The following UGT2A3 variants were observed in gnomAD, a reference collection of about 807,000 sequenced individuals.
UGT2A3 encodes the protein UDP glucuronosyltransferase family 2 member A3, also known as UDP-glucuronosyltransferase 2A3.
In UGT2A3, 55 loss-of-function variants were observed where a neutral mutation model predicts 44.1. The ratio of observed to expected loss-of-function variants is 1.25; its 90% CI spans 1.00 to 1.56. UGT2A3 has a LOEUF of 1.56. Among genes scored for constraint, UGT2A3 ranks in the 40% most tolerant of loss-of-function variants. UGT2A3 has a pLI of 0.00. For synonymous variants in UGT2A3, 243 were observed against 215.1 expected (o/e 1.13, Z -1.13); for missense variants, 733 against 621.6 (o/e 1.18, Z -1.91).
Position 68,945,367 on chromosome 4 carries a change from T to C in UGT2A3, c.803A>G (p.Tyr268Cys), listed in dbSNP as rs1309353674. ...TCCAACAAACTCAAAGTTAGGTTGGTATGGTTGAGGAAATTCAAAATCCCA... is the reference window on the plus strand; with the variant it reads ...TCCAACAAACTCAAAGTTAGGTTGGCATGGTTGAGGAAATTCAAAATCCCA... Reference protein sequence around the residue: ...TYWDFEFPQPYQPNFEFVGGL... With the variant: ...TYWDFEFPQPCQPNFEFVGGL... Residue 268 changes from tyrosine (Y) to cysteine (C), a missense_variant, in exon 2 of 6, where the codon TAC (tyrosine) becomes TGC (cysteine). Transcript: ENST00000251566. 1 of 1,611,360 alleles carries C rather than the reference T, an allele frequency of 6.2e-7. No homozygotes were observed. The highest frequency in any genetic ancestry group is 1.3e-5 in the African/African-American group (1 of 74,704).
intron 2 of UGT2A3, among the ~76,000 whole-genome samples, chr4:68,942,697 T>A (rs1436634663): frequency 6.6e-6 from 1 of 151,270 alleles, no homozygotes; most frequent in East Asian, 2.0e-4. Flanking sequence ...ATACGTGGAA[T>A]CAAAAAATGC....
At chr4:68,946,256 A>G (rs537267240) in intron 1 of UGT2A3, among the ~76,000 whole-genome samples, 1 of 151,842 alleles carries the variant, frequency 6.6e-6, no homozygotes, top group South Asian at 2.1e-4. Flanking sequence ...GCAAGTGATA[A>G]AAAGATAAAC....
intron 2 of UGT2A3, 127 bp downstream of exon 2, chr4:68,945,178 GA>G (rs1403455638): frequency 9.2e-7 from 1 of 1,083,730 alleles, no homozygotes; most frequent in African/African-American, 1.6e-5. Flanking sequence ...CTGTGGCATG[GA>G]AAATAAATAT....
chr4:68,949,473 A>C (rs1718502019), intron 1 of UGT2A3, among the ~76,000 whole-genome samples: 2 of 151,872 alleles, frequency 1.3e-5, no homozygotes, highest in African/African-American at 4.8e-5. Flanking sequence ...TAAACGTGTA[A>C]CCATCAAGGA....
chr4:68,930,817 A>G (rs764040443), intron 4 of UGT2A3, 52 bp from the exon 5 acceptor site: 8 of 1,413,174 alleles, frequency 5.7e-6, no homozygotes, highest in Non-Finnish European at 6.6e-6. Context: ...CTAAACTTTT[A>G]AAATTATTTA....
chr4:68,943,335 A>G, intron 2 of UGT2A3: 1 of 1,272,848 alleles, frequency 7.9e-7, no homozygotes, highest in Non-Finnish European at 1.0e-6. Flanking sequence ...TTTTAGATAC[A>G]GATGCCATGG....
rs57286694 is a variant in UGT2A3, at chr4:68,935,276, GTATATATATATATATATATATATA to G, written c.865-2541_865-2518del. ...AGGAGGTGTGTATGTATGTATGTAT[GTATATATATATATATATATATATA>G]TATATATATATATATATGCATAATA... On this transcript the variant is annotated intron_variant, in intron 2 of 5. Transcript: ENST00000251566. Among the ~76,000 whole-genome samples the G allele has an allele frequency of 2.3e-4, 14 of 60,136 alleles. 1 individual carries two copies. The highest frequency in any genetic ancestry group is 1.7e-3 in the South Asian group (2 of 1,166). 39.5% of individuals were successfully genotyped at this position (60,136 alleles called of 152,430 possible). A position where few individuals can be genotyped will look rare whatever the true frequency, so the allele number is the denominator to read the frequency against.
intron 3 of UGT2A3, 30 bp downstream of exon 3, chr4:68,932,598 C>A (rs1474565835): frequency 5.7e-6 from 9 of 1,586,348 alleles, no homozygotes; most frequent in East Asian, 2.2e-5. Flanking sequence ...ATGTGAATAG[C>A]TGCTTATCAG....
At chr4:68,933,442 A>G (rs1717815110) in intron 2 of UGT2A3, among the ~76,000 whole-genome samples, 1 of 152,030 alleles carries the variant, frequency 6.6e-6, no homozygotes, top group African/African-American at 2.4e-5. Flanking sequence ...GTTCCATCCC[A>G]CAGGAGGTAT....
chr4:68,930,440 G>T, intron 5 of UGT2A3, 106 bp downstream of exon 5: 2 of 1,064,876 alleles, frequency 1.9e-6, no homozygotes, highest in Non-Finnish European at 2.7e-6. Flanking sequence ...TCAATATTGT[G>T]GAGTAAAATC....
chr4:68,931,070 A>T, intron 4 of UGT2A3, 85 bp downstream of exon 4: 3 of 1,109,508 alleles, frequency 2.7e-6, no homozygotes, highest in Non-Finnish European at 1.3e-6. Context: ...TTATAATTTT[A>T]GATCTTTGCT....
Position 68,935,272 on chromosome 4 carries a change from GTATGTATATATA to G in UGT2A3, c.865-2525_865-2514del, listed in dbSNP as rs1468566959. Among the ~76,000 whole-genome samples, 10 of 89,278 alleles carry G rather than the reference GTATGTATATATA, an allele frequency of 1.1e-4. No homozygotes were observed. The East Asian group carries it at 2.0e-3, about 18-fold the overall frequency. 58.6% of individuals were successfully genotyped at this position (89,278 alleles called of 152,430 possible). A position where few individuals can be genotyped will look rare whatever the true frequency, so the allele number is the denominator to read the frequency against. On this transcript the variant is annotated intron_variant, in intron 2 of 5. Transcript: ENST00000251566. ...GACAAGGAGGTGTGTATGTATGTAT[GTATGTATATATA>G]TATATATATATATATATATATATAT...
chr4:68,949,609 G>C (rs530173215), intron 1 of UGT2A3, among the ~76,000 whole-genome samples: 87 of 151,994 alleles, frequency 5.7e-4, no homozygotes, highest in Admixed American at 1.0e-3. Flanking sequence ...AAATTGATTA[G>C]CTTGACTCAA....
chr4:68,937,036 AT>A (rs1717979813), intron 2 of UGT2A3, among the ~76,000 whole-genome samples: 2 of 152,154 alleles, frequency 1.3e-5, no homozygotes, highest in African/African-American at 4.8e-5. Flanking sequence ...TATCCTAAAT[AT>A]ATATGCACCC....
rs141383289 is a variant in UGT2A3 at position 68,947,647 on chromosome 4, G to T, written c.716-2193C>A. On this transcript the variant is annotated intron_variant, in intron 1 of 5. Transcript: ENST00000251566. ...CAATATACTTTCCCCATTAGTAAGAGCTATAGCCTTACAAAATATATTTCT... is the reference window on the plus strand; with the variant it reads ...CAATATACTTTCCCCATTAGTAAGATCTATAGCCTTACAAAATATATTTCT... Among the ~76,000 whole-genome samples the T allele has an allele frequency of 4.1e-4, 63 of 151,856 alleles. 1 individual carries two copies. The East Asian group carries it at 0.01, about 25-fold the overall frequency.
intron 1 of UGT2A3, among the ~76,000 whole-genome samples, chr4:68,947,354 C>T (rs1394026315): frequency 6.6e-6 from 1 of 151,766 alleles, no homozygotes; most frequent in Non-Finnish European, 1.5e-5. Flanking sequence ...AGCACCTCCT[C>T]ACCGGTTTTA....
intron 5 of UGT2A3, among the ~76,000 whole-genome samples, 163 bp downstream of exon 5, chr4:68,930,383 T>C (rs1044821072): frequency 2.6e-5 from 4 of 152,106 alleles, no homozygotes; most frequent in African/African-American, 9.6e-5. Context: ...TGACACTCTA[T>C]GAACTACAAT....
At chr4:68,937,762 T>G (rs1183137124) in intron 2 of UGT2A3, among the ~76,000 whole-genome samples, 1 of 151,846 alleles carries the variant, frequency 6.6e-6, no homozygotes, top group Admixed American at 6.6e-5. Flanking sequence ...AACAAATCAA[T>G]GAATCCAGGA....
intron 2 of UGT2A3, among the ~76,000 whole-genome samples, chr4:68,942,893 GAAAGGAGGTTTTTGAATGTTATCACCAC>G (rs1718252265): frequency 6.6e-6 from 1 of 151,610 alleles, no homozygotes; most frequent in Non-Finnish European, 1.5e-5. Context: ...AAGATAGCCA[GAAAGGAGGTTTTTGAATGTTATCACCAC>G]AAAGAAATGA....
Sources: gnomAD v4.1 joint callset for allele counts (sites outside exome capture counted in the v4.1 genomes callset) on GRCh38, gnomAD v4.1.1 for gene constraint, MANE v1.5 for transcripts, NCBI Gene and HGNC (gene_info 2026-07-23, HGNC 2026-07-21) for gene names.